Variants in LUZP2 observed in about 807,000 individuals in gnomAD.
LUZP2 encodes the protein leucine zipper protein 2.
LUZP2 carries 52 observed loss-of-function variants against 51.6 expected under a neutral mutation model. That is an observed-to-expected ratio of 1.01 (90% CI 0.81 to 1.27). The LOEUF (loss-of-function observed/expected upper bound fraction) is 1.27, where lower values mean the gene tolerates loss of function less well. Ranked by LOEUF, LUZP2 falls within the 50% of genes most tolerant of loss-of-function variation. The pLI is 0.00. For synonymous variants in LUZP2, 154 were observed against 137.3 expected (o/e 1.12, Z -0.85); for missense variants, 436 against 395.4 (o/e 1.10, Z -0.87).
chr11:24,879,197 G>A (rs182977826), intron 5 of LUZP2, among the ~76,000 whole-genome samples: 2 of 152,162 alleles, frequency 1.3e-5, no homozygotes, highest in Admixed American at 1.3e-4. Flanking sequence ...ACCCGCCTAG[G>A]CCTCCCAAAG....
At chr11:24,635,054 G>A (rs2136478) in intron 1 of LUZP2, among the ~76,000 whole-genome samples, 17,927 of 151,968 alleles carry the variant, frequency 0.12, 1,334 homozygotes, top group East Asian at 0.27. Context: ...GGATGGGGGT[G>A]AGGGATGAGA....
At chr11:24,948,807 T>G (rs1854977521) in intron 7 of LUZP2, among the ~76,000 whole-genome samples, 1 of 116,774 alleles carries the variant, frequency 8.6e-6, no homozygotes, top group Non-Finnish European at 2.0e-5. Flanking sequence ...TGAAACTCTA[T>G]CTATCTATCT....
rs1858080056 is a variant in LUZP2, at chr11:25,042,059, GTGGT to G, written c.766-7975_766-7972del. Among the ~76,000 whole-genome samples the G allele has an allele frequency of 2.6e-5, 4 of 152,152 alleles. 1 individual carries two copies. In the South Asian group the frequency reaches 8.3e-4, roughly 31 times the overall value. On this transcript the variant is annotated intron_variant, in intron 9 of 11. Transcript: ENST00000336930. ...CCACAAAACCAGTCCCTGGTGCCAA[GTGGT>G]TGGGGACCACCACTTCAGTATATTT... is the stretch of plus-strand genomic sequence containing the variant.
intron 7 of LUZP2, among the ~76,000 whole-genome samples, chr11:24,964,600 C>T (rs1277746607): frequency 6.6e-6 from 1 of 152,070 alleles, no homozygotes; most frequent in Non-Finnish European, 1.5e-5. Flanking sequence ...TCTTTGAAAT[C>T]TCTTTAAAAT....
chr11:24,850,001 T>C lies in LUZP2; in HGVS notation c.397-55990T>C, dbSNP rs557949638. Among the ~76,000 whole-genome samples the C allele has an allele frequency of 4.4e-4, 67 of 152,356 alleles. 1 individual carries two copies. The South Asian group carries it at 9.5e-3, about 22-fold the overall frequency. On this transcript the variant is annotated intron_variant, in intron 5 of 11. Coordinates refer to ENST00000336930, the MANE Select transcript of LUZP2 (RefSeq NM_001009909.4). ...TTTTTTCTTGTAAATTTGTTTAAGT[T>C]CTTTGTAGATTCTGGATATTAGCCC...
chr11:24,551,056 G>A (rs143769326), intron 1 of LUZP2, among the ~76,000 whole-genome samples: 301 of 151,864 alleles, frequency 2.0e-3, no homozygotes, highest in Non-Finnish European at 3.1e-3. Flanking sequence ...TTTAGAAGAG[G>A]GGAAAAATAT....
At chr11:24,499,776 T>C (rs1205605820) in intron 1 of LUZP2, among the ~76,000 whole-genome samples, 1 of 152,004 alleles carries the variant, frequency 6.6e-6, no homozygotes, top group Non-Finnish European at 1.5e-5. Flanking sequence ...CAAATATATA[T>C]ATATATTTGT....
In LUZP2 at chr11:25,078,603, A is replaced by G. The variant is rs1436717903; in HGVS notation, c.986A>G (p.Glu329Gly). 1 of 1,612,590 alleles carries G rather than the reference A, an allele frequency of 6.2e-7. No homozygotes were observed. Among genetic ancestry groups the G allele is most frequent in the Non-Finnish European group, 8.5e-7 (1 of 1,179,678 alleles). The change falls in exon 12 of 12, where the codon GAA becomes GGA. Residue 329 changes from glutamate to glycine, a missense_variant. Coordinates refer to ENST00000336930, the MANE Select transcript of LUZP2 (RefSeq NM_001009909.4). ...GAATGTGAGGTGAAAAAAGCCCCAG[A>G]AAAACCATTGACCAGCTTTGAAGGG... is the stretch of plus-strand genomic sequence containing the variant. ...CSECEVKKAP[E>G]KPLTSFEGMA...
intron 5 of LUZP2, among the ~76,000 whole-genome samples, chr11:24,773,311 T>A (rs1473209184): frequency 6.6e-6 from 1 of 152,090 alleles, no homozygotes; most frequent in Non-Finnish European, 1.5e-5. Flanking sequence ...CCATGAGAAA[T>A]GTAAAGAACA....
intron 7 of LUZP2, among the ~76,000 whole-genome samples, chr11:24,960,681 G>T (rs531703460): frequency 1.4e-3 from 210 of 151,876 alleles, no homozygotes; most frequent in African/African-American, 3.1e-3. Flanking sequence ...ATTTTCTTGA[G>T]CCTTTCAAAA....
intron 1 of LUZP2, among the ~76,000 whole-genome samples, chr11:24,666,548 G>A (rs1385909292): frequency 6.6e-6 from 1 of 152,030 alleles, no homozygotes; most frequent in Non-Finnish European, 1.5e-5. Flanking sequence ...AGATTCAAAT[G>A]TGAAGTCAAG....
chr11:24,521,438 G>T (rs1828763888), intron 1 of LUZP2, among the ~76,000 whole-genome samples: 1 of 151,710 alleles, frequency 6.6e-6, no homozygotes, highest in African/African-American at 2.4e-5. Flanking sequence ...TGACCCCAGA[G>T]GAATTAAAAG....
chr11:24,808,466 A>T (rs1404502363), intron 5 of LUZP2, among the ~76,000 whole-genome samples: 1 of 152,194 alleles, frequency 6.6e-6, no homozygotes, highest in Non-Finnish European at 1.5e-5. Context: ...TTCTCTGCCA[A>T]TCTGTAGAAT....
At chr11:24,716,615 A>T (rs1197930820) in intron 1 of LUZP2, among the ~76,000 whole-genome samples, 1 of 152,126 alleles carries the variant, frequency 6.6e-6, no homozygotes, top group African/African-American at 2.4e-5. Context: ...AACCACTAGA[A>T]GCTGGGGGCG....
At chr11:24,699,668 C>T (rs74939954) in intron 1 of LUZP2, among the ~76,000 whole-genome samples, 1 of 113,260 alleles carries the variant, frequency 8.8e-6, no homozygotes. Flanking sequence ...TATATATATA[C>T]ACACACACAT....
chr11:24,812,827 T>C (rs568824315), intron 5 of LUZP2, among the ~76,000 whole-genome samples: 1 of 152,228 alleles, frequency 6.6e-6, no homozygotes, highest in South Asian at 2.1e-4. Context: ...CTCTAGTAAA[T>C]AGATGATGCT....
chr11:24,923,683 G>GA (rs934402560), intron 7 of LUZP2, among the ~76,000 whole-genome samples: 7 of 151,880 alleles, frequency 4.6e-5, no homozygotes, highest in Non-Finnish European at 7.4e-5. Context: ...GCACAGACGA[G>GA]AAAAAAAGAC....
intron 1 of LUZP2, among the ~76,000 whole-genome samples, chr11:24,562,123 A>G (rs1192673237): frequency 6.6e-6 from 1 of 152,130 alleles, no homozygotes; most frequent in African/African-American, 2.4e-5. Flanking sequence ...TTGACACTGA[A>G]TAATGGAAAA....
At chr11:24,632,792 A>G (rs983520270) in intron 1 of LUZP2, among the ~76,000 whole-genome samples, 25 of 152,186 alleles carry the variant, frequency 1.6e-4, no homozygotes, top group East Asian at 7.7e-4. Flanking sequence ...CACACAGAAT[A>G]TAAACCAAGC....
Sources: gnomAD v4.1 joint callset for allele counts (sites outside exome capture counted in the v4.1 genomes callset) on GRCh38, gnomAD v4.1.1 for gene constraint, MANE v1.5 for transcripts, NCBI Gene and HGNC (gene_info 2026-07-23, HGNC 2026-07-21) for gene names.